TP63: variants seen among roughly 807,000 people sequenced by gnomAD.
TP63 encodes tumor protein p63.
Under a neutral mutation model 82.8 loss-of-function variants are expected in TP63, and 17 were observed. That is an observed-to-expected ratio of 0.21 (90% CI 0.14 to 0.31). TP63 has a LOEUF of 0.31. Ranked by LOEUF, TP63 falls within the 10% of genes least tolerant of loss-of-function variation. The pLI, the probability that TP63 is intolerant of heterozygous loss-of-function variation, is 1.00. For missense variants in TP63, 648 were observed against 895.3 expected, an observed-to-expected ratio of 0.72 and a Z score of 3.52; for synonymous variants, 330 against 321.7, an observed-to-expected ratio of 1.03 and a Z score of -0.28.
At chr3:189,733,660 CT>C (rs1720335743) in intron 1 of TP63, among the ~76,000 whole-genome samples, 1 of 152,138 alleles carries the variant, frequency 6.6e-6, no homozygotes, top group South Asian at 2.1e-4. Flanking sequence ...ATTGCATTTA[CT>C]TTTATTTTTT....
chr3:189,619,277 C>A, the TP63 span, among the ~76,000 whole-genome samples: 228 of 152,278 alleles, frequency 1.5e-3, 1 homozygote, highest in Non-Finnish European at 2.9e-3. Flanking sequence ...TGAAGTAATG[C>A]CTCTGCGATG....
chr3:189,710,601 A>G (rs1437330150), intron 1 of TP63, among the ~76,000 whole-genome samples: 2 of 152,172 alleles, frequency 1.3e-5, no homozygotes, highest in South Asian at 2.1e-4. Context: ...TCACAAAAAT[A>G]TACTTGCTAA....
At chr3:189,643,041 G>T (rs1000509667) in intron 1 of TP63, among the ~76,000 whole-genome samples, 3 of 148,214 alleles carry the variant, frequency 2.0e-5, no homozygotes, top group African/African-American at 7.4e-5. Context: ...TGTTCTTGTC[G>T]CCCAGGGTGG....
chr3:189,845,736 C>T (rs796819030), intron 4 of TP63, among the ~76,000 whole-genome samples: 5 of 146,804 alleles, frequency 3.4e-5, no homozygotes, highest in African/African-American at 1.3e-4. Context: ...AGTTGCCTTC[C>T]TTGAAGAGGG....
chr3:189,829,308 C>A (rs771428002), intron 4 of TP63, among the ~76,000 whole-genome samples: 1 of 152,198 alleles, frequency 6.6e-6, no homozygotes, highest in Non-Finnish European at 1.5e-5. Context: ...CATGCTGTTT[C>A]TGAGCAATAC....
intron 4 of TP63, among the ~76,000 whole-genome samples, chr3:189,856,931 C>T (rs1716366308): frequency 6.6e-6 from 1 of 152,034 alleles, no homozygotes; most frequent in South Asian, 2.1e-4. Context: ...CACCACATTG[C>T]TAAGGTATCA....
At chr3:189,805,888 C>T (rs1342124044) in intron 3 of TP63, among the ~76,000 whole-genome samples, 1 of 152,140 alleles carries the variant, frequency 6.6e-6, no homozygotes, top group Admixed American at 6.5e-5. Context: ...GCTCAAAACA[C>T]AGGTTCCTCA....
At chr3:189,762,280 T>G (rs576554749) in intron 3 of TP63, among the ~76,000 whole-genome samples, 2 of 152,316 alleles carry the variant, frequency 1.3e-5, no homozygotes, top group South Asian at 4.2e-4. Context: ...TAAAATATTT[T>G]GTTGGCTTCT....
chr3:189,619,830 G>A, the TP63 span, among the ~76,000 whole-genome samples: 8 of 152,196 alleles, frequency 5.3e-5, no homozygotes, highest in South Asian at 1.7e-3. Context: ...TTCTCCTTCA[G>A]CCCCAAACTG....
intron 1 of TP63, among the ~76,000 whole-genome samples, chr3:189,647,285 C>T (rs1712498300): frequency 1.4e-5 from 2 of 146,898 alleles, no homozygotes; most frequent in Non-Finnish European, 3.0e-5. Flanking sequence ...TCATTCTAGG[C>T]TTTTCTTAAT....
chr3:189,659,464 A>G (rs1713684008), intron 1 of TP63, among the ~76,000 whole-genome samples: 1 of 152,018 alleles, frequency 6.6e-6, no homozygotes, highest in East Asian at 1.9e-4. Context: ...CTATAATGGG[A>G]ACCCCAAATG....
At chr3:189,755,311 A>T (rs1233474737) in intron 3 of TP63, among the ~76,000 whole-genome samples, 1 of 152,170 alleles carries the variant, frequency 6.6e-6, no homozygotes, top group African/African-American at 2.4e-5. Context: ...CAATTTATAC[A>T]TTTCTCACAT....
intron 3 of TP63, among the ~76,000 whole-genome samples, chr3:189,781,024 A>G (rs924263308): frequency 6.6e-6 from 1 of 152,196 alleles, no homozygotes; most frequent in Non-Finnish European, 1.5e-5. Flanking sequence ...ATAAGCGTAG[A>G]GAAAATCCGA....
intron 1 of TP63, among the ~76,000 whole-genome samples, chr3:189,689,913 A>C (rs1716780911): frequency 6.6e-6 from 1 of 152,156 alleles, no homozygotes; most frequent in Non-Finnish European, 1.5e-5. Flanking sequence ...ACAATGAGGC[A>C]GATTTTTGAA....
chr3:189,744,258 T>C (rs192163728), intron 3 of TP63, among the ~76,000 whole-genome samples: 70 of 152,224 alleles, frequency 4.6e-4, no homozygotes, highest in African/African-American at 1.7e-3. Context: ...GTCACTGTGG[T>C]GGGGCTGAGA....
chr3:189,798,263 T>G (rs1308445796), intron 3 of TP63, among the ~76,000 whole-genome samples: 3 of 152,132 alleles, frequency 2.0e-5, no homozygotes, highest in African/African-American at 7.2e-5. Context: ...TACAAGCCTC[T>G]TCTATCTATA....
chr3:189,853,111 C>T (rs1261713662), intron 4 of TP63, among the ~76,000 whole-genome samples: 1 of 152,170 alleles, frequency 6.6e-6, no homozygotes, highest in Non-Finnish European at 1.5e-5. Flanking sequence ...GGTGACTTCT[C>T]ATCACCTCTA....
chr3:189,875,613 T>TATATATATATATATATATACACAC (rs1719031287), intron 10 of TP63, among the ~76,000 whole-genome samples: 3 of 105,506 alleles, frequency 2.8e-5, no homozygotes, highest in Admixed American at 8.9e-5. Context: ...TATATATATA[T>TATATATATATATATATATACACAC]ATATATATAT....
chr3:189,765,433 C>CTGTTTTTTTTTTTTTTTTT (rs1722869780), intron 3 of TP63, among the ~76,000 whole-genome samples: 1 of 30,090 alleles, frequency 3.3e-5, no homozygotes, highest in Non-Finnish European at 5.9e-5. Context: ...CTGTCCTCTG[C>CTGTTTTTTTTTTTTTTTTT]TTTTTTTTTT....
Sources: allele counts gnomAD v4.1 joint callset (sites outside exome capture counted in the v4.1 genomes callset), GRCh38; gene constraint gnomAD v4.1.1; transcripts MANE v1.5; gene names NCBI Gene and HGNC (gene_info 2026-07-23, HGNC 2026-07-21).